Variants in ATXN7L1 observed in about 807,000 individuals in gnomAD.
The protein encoded by ATXN7L1 is ataxin 7 like 1, also known as ataxin-7-like protein 1.
In ATXN7L1, 15 loss-of-function variants were observed where a neutral mutation model predicts 70.8. The ratio of observed to expected loss-of-function variants is 0.21; its 90% CI spans 0.14 to 0.33. The LOEUF is 0.33. ATXN7L1 is among the 10% of genes least tolerant of loss of function. The pLI is 1.00. For missense variants in ATXN7L1, 975 were observed against 1,097.1 expected, an observed-to-expected ratio of 0.89 and a Z score of 1.57; for synonymous variants, 440 against 445.1, an observed-to-expected ratio of 0.99 and a Z score of 0.14.
chr7:105,672,295 C>A (rs999785237), intron 3 of ATXN7L1, among the ~76,000 whole-genome samples: 9 of 151,856 alleles, frequency 5.9e-5, no homozygotes, highest in South Asian at 4.2e-4. Context: ...CCTGCCCCCC[C>A]CAAAAAAGAG....
chr7:105,673,806 C>T (rs1255949127), intron 3 of ATXN7L1, among the ~76,000 whole-genome samples: 1 of 152,190 alleles, frequency 6.6e-6, no homozygotes, highest in Non-Finnish European at 1.5e-5. Context: ...AGTCATAAGA[C>T]TATTAAGTGG....
chr7:105,666,407 A>G (rs1455312422), intron 3 of ATXN7L1, among the ~76,000 whole-genome samples: 2 of 152,272 alleles, frequency 1.3e-5, no homozygotes, highest in Non-Finnish European at 2.9e-5. Flanking sequence ...ACAGGCAAAG[A>G]TGACAGATCA....
intron 3 of ATXN7L1, among the ~76,000 whole-genome samples, chr7:105,675,547 C>T (rs1804503534): frequency 6.6e-6 from 1 of 151,908 alleles, no homozygotes; most frequent in Non-Finnish European, 1.5e-5. Context: ...ATTGCTTGAA[C>T]CTGGGAGGCA....
intron 3 of ATXN7L1, among the ~76,000 whole-genome samples, chr7:105,694,195 A>G (rs1017157838): frequency 2.4e-4 from 37 of 152,236 alleles, no homozygotes; most frequent in African/African-American, 8.9e-4. Context: ...CTACAGGCAC[A>G]TGCCACTGCA....
chr7:105,763,835 G>GTT (rs1018611397), intron 3 of ATXN7L1, among the ~76,000 whole-genome samples: 1 of 148,242 alleles, frequency 6.7e-6, no homozygotes, highest in Non-Finnish European at 1.5e-5. Context: ...GCAAAATGTA[G>GTT]TTTTTTTTTT....
chr7:105,697,265 A>G (rs1791844799), intron 3 of ATXN7L1, among the ~76,000 whole-genome samples: 1 of 152,152 alleles, frequency 6.6e-6, no homozygotes, highest in South Asian at 2.1e-4. Flanking sequence ...GGGAGACTGG[A>G]GTCTATCTCA....
chr7:105,870,617 C>G (rs781012835), intron 2 of ATXN7L1, among the ~76,000 whole-genome samples: 6 of 152,130 alleles, frequency 3.9e-5, no homozygotes, highest in Non-Finnish European at 5.9e-5. Context: ...TATTCCTTAT[C>G]TATGAATTGG....
intron 3 of ATXN7L1, among the ~76,000 whole-genome samples, chr7:105,710,134 G>T (rs1793697228): frequency 6.6e-6 from 1 of 152,216 alleles, no homozygotes; most frequent in African/African-American, 2.4e-5. Flanking sequence ...ACTGGCATGA[G>T]CCACTGTGCC....
intron 3 of ATXN7L1, among the ~76,000 whole-genome samples, chr7:105,709,131 G>A (rs1291540267): frequency 6.6e-6 from 1 of 152,182 alleles, no homozygotes; most frequent in African/African-American, 2.4e-5. Flanking sequence ...TCAGGAGTTA[G>A]AGACCAGGCT....
intron 3 of ATXN7L1, among the ~76,000 whole-genome samples, chr7:105,727,577 G>A (rs776873323): frequency 6.7e-6 from 1 of 149,202 alleles, no homozygotes; most frequent in Non-Finnish European, 1.5e-5. Flanking sequence ...GCTGAGGCAT[G>A]AGAATTGCTT....
chr7:105,612,055 TCAGCATTTA>T, intron 10 of ATXN7L1, among the ~76,000 whole-genome samples: 1 of 152,302 alleles, frequency 6.6e-6, no homozygotes, highest in Non-Finnish European at 1.5e-5. Flanking sequence ...TCTGGCTGAC[TCAGCATTTA>T]CTAAGCATTT....
At chr7:105,616,874 T>G (rs929249631) in intron 9 of ATXN7L1, among the ~76,000 whole-genome samples, 1 of 152,168 alleles carries the variant, frequency 6.6e-6, no homozygotes, top group Non-Finnish European at 1.5e-5. Flanking sequence ...ACCCACTCCA[T>G]CTTTCCTTGA....
chr7:105,855,519 T>A (rs1251288364), intron 2 of ATXN7L1, among the ~76,000 whole-genome samples: 1 of 152,224 alleles, frequency 6.6e-6, no homozygotes, highest in African/African-American at 2.4e-5. Context: ...CAGCTTGAAA[T>A]GCAGTGGTAG....
intron 2 of ATXN7L1, among the ~76,000 whole-genome samples, chr7:105,804,514 G>A (rs1807281747): frequency 1.3e-5 from 2 of 152,172 alleles, no homozygotes; most frequent in Non-Finnish European, 2.9e-5. Flanking sequence ...GCATTTCAGG[G>A]TAGCCCTAGA....
At chr7:105,691,499 G>T (rs938103864) in intron 3 of ATXN7L1, 1 of 151,926 alleles carries the variant, frequency 6.6e-6, no homozygotes, top group Non-Finnish European at 1.5e-5. Context: ...AATAACCTAG[G>T]ATCAGCAAAA....
At chr7:105,612,979 G>T (rs967667826) in intron 10 of ATXN7L1, among the ~76,000 whole-genome samples, 1 of 152,124 alleles carries the variant, frequency 6.6e-6, no homozygotes, top group African/African-American at 2.4e-5. Flanking sequence ...CGGGCAGGTT[G>T]GCCGGCCCTC....
At chr7:105,662,059 C>CTTTTCTTTTCTTTTTTTTTTTT (rs1801747081) in intron 4 of ATXN7L1, among the ~76,000 whole-genome samples, 1 of 84,974 alleles carries the variant, frequency 1.2e-5, no homozygotes, top group Admixed American at 1.4e-4. Flanking sequence ...TCCTTCCTTC[C>CTTTTCTTTTCTTTTTTTTTTTT]TTCCTTCCTT....
At chr7:105,755,051 A>G (rs1008798201) in intron 3 of ATXN7L1, among the ~76,000 whole-genome samples, 4 of 151,776 alleles carry the variant, frequency 2.6e-5, no homozygotes, top group Admixed American at 2.0e-4. Context: ...AACAAGGAAA[A>G]AAGAAAAGGC....
At chr7:105,616,576 C>G (rs551014080) in intron 9 of ATXN7L1, among the ~76,000 whole-genome samples, 25 of 152,306 alleles carry the variant, frequency 1.6e-4, no homozygotes, top group African/African-American at 5.8e-4. Flanking sequence ...CAAGGTGCCC[C>G]ATAAATACTT....
Sources: allele counts gnomAD v4.1 joint callset (sites outside exome capture counted in the v4.1 genomes callset), GRCh38; gene constraint gnomAD v4.1.1; transcripts MANE v1.5; gene names NCBI Gene and HGNC (gene_info 2026-07-23, HGNC 2026-07-21).